The following KIF1B variants were observed in gnomAD, a reference collection of about 807,000 sequenced individuals.
KIF1B encodes the protein kinesin family member 1B, also known as kinesin-like protein KIF1B.
Under a neutral mutation model 241.9 loss-of-function variants are expected in KIF1B, and 76 were observed. That is an observed-to-expected ratio of 0.31 (90% CI 0.26 to 0.38). The LOEUF (loss-of-function observed/expected upper bound fraction) is 0.38. Among genes scored for constraint, KIF1B ranks in the 10% least tolerant of loss-of-function variants. The pLI is 1.00. For synonymous variants in KIF1B, 750 were observed against 796.7 expected (o/e 0.94, Z 0.99); for missense variants, 1,622 against 2,271.4 (o/e 0.71, Z 5.81).
chr1:10,233,739 A>G (rs1352922796), intron 2 of KIF1B, among the ~76,000 whole-genome samples: 1 of 143,652 alleles, frequency 7.0e-6, no homozygotes, highest in Non-Finnish European at 1.5e-5. Flanking sequence ...TTTGAGATGG[A>G]GTCTCACTCT....
intron 2 of KIF1B, among the ~76,000 whole-genome samples, chr1:10,253,666 A>G (rs2102176252): frequency 6.6e-6 from 1 of 152,300 alleles, no homozygotes; most frequent in Non-Finnish European, 1.5e-5. Context: ...GTTCGTAGAC[A>G]GAAAGTACTT....
chr1:10,303,862 G>C lies in KIF1B; in HGVS notation c.2115+6616G>C. 1 of 1,614,184 alleles carries C rather than the reference G, an allele frequency of 6.2e-7. No homozygotes were observed. The highest frequency in any genetic ancestry group is 8.5e-7 in the Non-Finnish European group (1 of 1,180,044). On this transcript the variant is annotated intron_variant, in intron 22 of 48. Transcript: ENST00000676179. The surrounding 1 kb of genome is among the most constrained non-coding windows in gnomAD (Gnocchi z 5.2). ...CACCTCTGAGAATAATGTAAGTAAA[G>C]GAGACAATGGAGAACTTGCAAAAGA...
intron 1 of KIF1B, among the ~76,000 whole-genome samples, chr1:10,227,959 C>T (rs1036339780): frequency 4.0e-5 from 6 of 150,874 alleles, no homozygotes; most frequent in African/African-American, 1.5e-4. Context: ...CTGAGGTGGG[C>T]GGATCATATG....
intron 1 of KIF1B, among the ~76,000 whole-genome samples, chr1:10,214,170 A>T (rs578081387): frequency 6.6e-6 from 1 of 152,292 alleles, no homozygotes; most frequent in African/African-American, 2.4e-5. Flanking sequence ...TGTTTGGTTA[A>T]CGGGCCACTG....
At chr1:10,315,069 T>A (rs915979813) in intron 22 of KIF1B, among the ~76,000 whole-genome samples, 1 of 151,068 alleles carries the variant, frequency 6.6e-6, no homozygotes, top group Admixed American at 6.6e-5. Flanking sequence ...AACTTTTGTA[T>A]ACCCATACTT....
intron 17 of KIF1B, among the ~76,000 whole-genome samples, 194 bp from the exon 18 acceptor site, chr1:10,294,892 G>T (rs1024196393): frequency 8.6e-5 from 13 of 151,974 alleles, no homozygotes; most frequent in African/African-American, 3.1e-4. Context: ...AAAATAGAAT[G>T]CACTTGGTTC....
In KIF1B at chr1:10,284,483, C is replaced by T. The variant is rs113155325; in HGVS notation, c.1434+1950C>T. On this transcript the variant is annotated intron_variant, in intron 15 of 48. Coordinates refer to ENST00000676179, the MANE Select transcript of KIF1B (RefSeq NM_001365951.3). ...GGCAGATCACTTAAGGTCAGGAGTTCAAGACCAGCCTGGCCAACATGGTGA... is the reference window on the plus strand; with the variant it reads ...GGCAGATCACTTAAGGTCAGGAGTTTAAGACCAGCCTGGCCAACATGGTGA... Among the ~76,000 whole-genome samples the T allele has an allele frequency of 3.3e-3, 495 of 152,112 alleles. 4 individuals carry two copies. Among genetic ancestry groups the T allele is most frequent in the African/African-American group, 0.012 (480 of 41,504 alleles).
In KIF1B at chr1:10,376,868, T is replaced by G. The variant is rs201136295; in HGVS notation, c.*281T>G. On this transcript the variant is annotated 3_prime_UTR_variant, in exon 49 of 49. Transcript: ENST00000676179. ...ACACACACACACACACACACACACATACACAGACAAAAACACAAAAACTCT... is the reference window on the plus strand; with the variant it reads ...ACACACACACACACACACACACACAGACACAGACAAAAACACAAAAACTCT... 3.6e-6 allele frequency: 1 copy of G among 278,262 alleles called. No homozygotes were observed. Among genetic ancestry groups the G allele is most frequent in the African/African-American group, 2.6e-5 (1 of 38,130 alleles). The allele number at this position is 278,262 out of a possible 1,614,324, so 17.2% of individuals were successfully genotyped here.
intron 22 of KIF1B, chr1:10,306,365 G>T (rs1650827071): frequency 9.6e-7 from 1 of 1,044,400 alleles, no homozygotes; most frequent in Non-Finnish European, 1.2e-6. Context: ...AATGCATTTT[G>T]TGTAAACCCA....
rs1400797704 is a variant in KIF1B, at chr1:10,380,097, C to T, written c.*3510C>T. 4.4e-6 allele frequency: 1 copy of T among 227,690 alleles called. No homozygotes were observed. Among genetic ancestry groups the T allele is most frequent in the Non-Finnish European group, 8.7e-6 (1 of 114,474 alleles). 14.1% of individuals were successfully genotyped at this position (227,690 alleles called of 1,614,324 possible). On this transcript the variant is annotated 3_prime_UTR_variant, in exon 49 of 49. Transcript: ENST00000676179. ...GGAACTAAGTCATTGTGAACTGTCT[C>T]TTGAGATCTAAAAACAAGATGACTT...
chr1:10,332,964 A>C (rs1652012163), intron 27 of KIF1B, among the ~76,000 whole-genome samples: 1 of 150,824 alleles, frequency 6.6e-6, no homozygotes, highest in Non-Finnish European at 1.5e-5. Flanking sequence ...GGTGCATGCC[A>C]CCATGCCCGG....
chr1:10,215,153 T>C (rs1646746884), intron 1 of KIF1B, among the ~76,000 whole-genome samples: 1 of 63,240 alleles, frequency 1.6e-5, no homozygotes. Flanking sequence ...TATATATATA[T>C]ATATATATAT....
chr1:10,335,305 C>T (rs1193784513), intron 28 of KIF1B, among the ~76,000 whole-genome samples: 13 of 152,008 alleles, frequency 8.6e-5, no homozygotes, highest in African/African-American at 3.1e-4. Context: ...CAGGCTGGAG[C>T]GCAGTGGCAC....
chr1:10,270,121 G>A (rs1036332550), intron 7 of KIF1B, among the ~76,000 whole-genome samples: 14 of 152,066 alleles, frequency 9.2e-5, no homozygotes, highest in African/African-American at 1.2e-4. Flanking sequence ...TATTTAAAGC[G>A]TAAAATTTGG....
rs771169398 is a variant in KIF1B at position 10,296,978 on chromosome 1, C to A, written c.1943C>A (p.Pro648His). The change falls in exon 21 of 49, where the codon CCT becomes CAT. Residue 648 changes from proline to histidine, a missense_variant. Transcript: ENST00000676179. ...GCACGAGCTGAGCGAGAGAAGACTCCTTCTGCTGAGACCCCCTCTGAGCCT... is the reference window on the plus strand; with the variant it reads ...GCACGAGCTGAGCGAGAGAAGACTCATTCTGCTGAGACCCCCTCTGAGCCT... ...EQARAEREKT[P>H]SAETPSEPVD... is the part of the protein sequence containing the mutation. The A allele has an allele frequency of 5.6e-6, 9 of 1,614,064 alleles. No homozygotes were observed. The East Asian group carries it at 2.0e-4, about 36-fold the overall frequency.
chr1:10,314,043 C>A (rs989381364), intron 22 of KIF1B, among the ~76,000 whole-genome samples: 1 of 151,266 alleles, frequency 6.6e-6, no homozygotes, highest in Non-Finnish European at 1.5e-5. Context: ...ACGGCATGTG[C>A]CACCATGCCT....
intron 36 of KIF1B, 54 bp from the exon 37 acceptor site, chr1:10,348,595 G>T: frequency 7.4e-6 from 10 of 1,351,630 alleles, no homozygotes; most frequent in Non-Finnish European, 9.5e-6. Context: ...AACAGTAGAC[G>T]AGAGGAGATA....
intron 5 of KIF1B, among the ~76,000 whole-genome samples, chr1:10,263,975 C>A (rs577598942): frequency 3.3e-5 from 5 of 152,228 alleles, no homozygotes. Flanking sequence ...TACTTCTCCT[C>A]TTGCCTGAAA....
chr1:10,339,957 T>G, intron 32 of KIF1B, 98 bp downstream of exon 32: 1 of 990,158 alleles, frequency 1.0e-6, no homozygotes. Flanking sequence ...AGTCACTGGC[T>G]GTGCAGGGGG....
Sources: allele counts gnomAD v4.1 joint callset (sites outside exome capture counted in the v4.1 genomes callset), GRCh38; gene constraint gnomAD v4.1.1; non-coding constraint Gnocchi (gnomAD v3.1); transcripts MANE v1.5; gene names NCBI Gene and HGNC (gene_info 2026-07-23, HGNC 2026-07-21).